Variants in CLYBL observed in about 807,000 individuals in gnomAD.
CLYBL encodes the protein citramalyl-CoA lyase.
Under a neutral mutation model 38.9 loss-of-function variants are expected in CLYBL, and 31 were observed. The ratio of observed to expected loss-of-function variants is 0.80; its 90% CI spans 0.60 to 1.08. The LOEUF (loss-of-function observed/expected upper bound fraction) is 1.08. Ranked by LOEUF, CLYBL falls within the 50% of genes least tolerant of loss-of-function variation. The pLI, the probability that CLYBL is intolerant of heterozygous loss-of-function variation, is 0.00. For synonymous variants in CLYBL, 171 were observed against 158.6 expected, an observed-to-expected ratio of 1.08 and a Z score of -0.59; for missense variants, 434 against 411.6, an observed-to-expected ratio of 1.05 and a Z score of -0.47.
chr13:99,766,008 T>G (rs570623470), intron 1 of CLYBL, among the ~76,000 whole-genome samples: 16 of 152,116 alleles, frequency 1.1e-4, no homozygotes, highest in African/African-American at 3.6e-4. Context: ...TGCACCACAA[T>G]GCCCTGCTAG....
chr13:99,621,449 C>A (rs1394360643), intron 1 of CLYBL, among the ~76,000 whole-genome samples: 1 of 152,214 alleles, frequency 6.6e-6, no homozygotes, highest in East Asian at 1.9e-4. Context: ...AACCTCTCCG[C>A]TGACTTTTGT....
intron 1 of CLYBL, among the ~76,000 whole-genome samples, chr13:99,700,832 C>T (rs1343927241): frequency 6.6e-6 from 1 of 152,198 alleles, no homozygotes; most frequent in African/African-American, 2.4e-5. Flanking sequence ...TAATGGGACA[C>T]TGGCAATATA....
At chr13:99,884,889 A>G (rs2052307780) in intron 7 of CLYBL, 3 of 443,668 alleles carry the variant, frequency 6.8e-6, no homozygotes, top group Non-Finnish European at 1.4e-5. Flanking sequence ...CTTTGCCCAG[A>G]CAACTACAGT....
At chr13:99,660,333 T>C (rs1276072229) in intron 1 of CLYBL, among the ~76,000 whole-genome samples, 1 of 152,200 alleles carries the variant, frequency 6.6e-6, no homozygotes, top group Non-Finnish European at 1.5e-5. Context: ...CTGTCGGTCA[T>C]CCTTCAGGGT....
At chr13:99,705,123 G>T (rs575998098) in intron 1 of CLYBL, among the ~76,000 whole-genome samples, 1 of 152,302 alleles carries the variant, frequency 6.6e-6, no homozygotes, top group Non-Finnish European at 1.5e-5. Flanking sequence ...CAGATACTGT[G>T]TTCCTGGGTA....
chr13:99,768,105 T>G (rs1464438355), intron 1 of CLYBL, among the ~76,000 whole-genome samples: 1 of 152,160 alleles, frequency 6.6e-6, no homozygotes, highest in Non-Finnish European at 1.5e-5. Flanking sequence ...TTTTGTTTAC[T>G]TATTTGATGG....
chr13:99,667,575 C>A (rs1195940764), intron 1 of CLYBL, among the ~76,000 whole-genome samples: 1 of 151,802 alleles, frequency 6.6e-6, no homozygotes, highest in East Asian at 1.9e-4. Flanking sequence ...CCTCAATTTC[C>A]TAGTAGTTTT....
chr13:99,613,213 C>T lies in CLYBL; in HGVS notation c.62+6456C>T, dbSNP rs181616985. ...TAAGACTCCAAAAGAAAAAGGGCTCCCTGGCTGTATGTGTTCAGTGGTAGC... is the reference window on the plus strand; with the variant it reads ...TAAGACTCCAAAAGAAAAAGGGCTCTCTGGCTGTATGTGTTCAGTGGTAGC... On this transcript the variant is annotated intron_variant, in intron 1 of 8. Coordinates refer to ENST00000339105, the MANE Select transcript of CLYBL (RefSeq NM_206808.5). Among the ~76,000 whole-genome samples the T allele has an allele frequency of 3.1e-3, 477 of 152,124 alleles. 10 individuals are homozygous for T. Among genetic ancestry groups the T allele is most frequent in the Non-Finnish European group, 4.4e-4 (30 of 68,002 alleles).
At chr13:99,750,485 C>T (rs1000909089) in intron 1 of CLYBL, among the ~76,000 whole-genome samples, 3 of 151,900 alleles carry the variant, frequency 2.0e-5, no homozygotes, top group African/African-American at 7.3e-5. Context: ...ACCAGCCTGG[C>T]CAACATGGTG....
chr13:99,891,171 A>G, intron 7 of CLYBL, 147 bp from the exon 8 acceptor site: 1 of 621,050 alleles, frequency 1.6e-6, no homozygotes, highest in Non-Finnish European at 2.8e-6. Context: ...TTCCTCTGTA[A>G]TTTACTTTGG....
chr13:99,726,992 C>G (rs1053496292), intron 1 of CLYBL, among the ~76,000 whole-genome samples: 11 of 152,068 alleles, frequency 7.2e-5, no homozygotes, highest in African/African-American at 2.4e-4. Flanking sequence ...AACCCCATCT[C>G]TACTCAAAGT....
At chr13:99,616,146 T>C (rs1433725033) in intron 1 of CLYBL, among the ~76,000 whole-genome samples, 2 of 57,804 alleles carry the variant, frequency 3.5e-5, no homozygotes, top group African/African-American at 5.1e-5. Context: ...CGCCTGGCTT[T>C]TTTTTTTTTT....
chr13:99,740,191 G>A lies in CLYBL; in HGVS notation c.63-32633G>A, dbSNP rs9582338. 4.1e-3 allele frequency among the ~76,000 whole-genome samples: 620 copies of A among 152,222 alleles called. 9 individuals carry two copies. Among genetic ancestry groups the A allele is most frequent in the African/African-American group, 0.014 (578 of 41,530 alleles). ...ACGTGCCCAGGAACGCTCTATCTTC[G>A]CCTTCTCTGGCATTAGTTCTATGAT... On this transcript the variant is annotated intron_variant, in intron 1 of 8. Coordinates refer to ENST00000339105, the MANE Select transcript of CLYBL (RefSeq NM_206808.5).
intron 1 of CLYBL, among the ~76,000 whole-genome samples, chr13:99,752,866 C>G (rs1566312671): frequency 6.6e-6 from 1 of 152,146 alleles, no homozygotes; most frequent in Non-Finnish European, 1.5e-5. Context: ...GTGTTCCTGT[C>G]TGGGACAGCC....
chr13:99,908,642 A>G (rs985383682), exon 10 of CLYBL, among the ~76,000 whole-genome samples: 15 of 152,206 alleles, frequency 9.9e-5, no homozygotes, highest in African/African-American at 3.6e-4. Context: ...GTAGGGAGGG[A>G]ACTGATATGT....
At chr13:99,614,366 G>A (rs1218944246) in intron 1 of CLYBL, among the ~76,000 whole-genome samples, 3 of 152,120 alleles carry the variant, frequency 2.0e-5, no homozygotes, top group Non-Finnish European at 4.4e-5. Flanking sequence ...TGCGGAAGCG[G>A]CAATACCAGG....
At chr13:99,716,509 A>C (rs1242616539) in intron 1 of CLYBL, among the ~76,000 whole-genome samples, 3 of 149,944 alleles carry the variant, frequency 2.0e-5, no homozygotes, top group East Asian at 2.0e-4. Flanking sequence ...TAAGCCTCCC[A>C]AGTAGCTGGG....
intron 1 of CLYBL, among the ~76,000 whole-genome samples, chr13:99,770,183 G>C (rs1241346694): frequency 6.6e-6 from 1 of 150,880 alleles, no homozygotes; most frequent in African/African-American, 2.4e-5. Flanking sequence ...CACCTCCCGG[G>C]TTCAAGGGAT....
chr13:99,885,964 C>T (rs971903993), intron 7 of CLYBL, among the ~76,000 whole-genome samples: 24 of 152,160 alleles, frequency 1.6e-4, no homozygotes, highest in East Asian at 1.2e-3. Context: ...AATTTGATCA[C>T]GGCCAACACT....
Sources: allele counts gnomAD v4.1 joint callset (sites outside exome capture counted in the v4.1 genomes callset), GRCh38; gene constraint gnomAD v4.1.1; transcripts MANE v1.5; gene names NCBI Gene and HGNC (gene_info 2026-07-23, HGNC 2026-07-21).